The following CLSPN variants were observed in gnomAD, a reference collection of about 807,000 sequenced individuals.
CLSPN encodes the protein claspin homolog.
In CLSPN, 85 loss-of-function variants were observed where a neutral mutation model predicts 156.3. The observed-to-expected ratio is 0.54, with a 90% CI of 0.46 to 0.65. The LOEUF (loss-of-function observed/expected upper bound fraction) is 0.65, where lower values mean the gene tolerates loss of function less well. Among genes scored for constraint, CLSPN ranks in the 30% least tolerant of loss-of-function variants. The probability of loss-of-function intolerance (pLI) is 0.00; values close to 1 mark genes in which losing one functional copy is unlikely to be tolerated. For synonymous variants in CLSPN, 534 were observed against 542.4 expected, an observed-to-expected ratio of 0.98 and a Z score of 0.22; for missense variants, 1,407 against 1,554.9, an observed-to-expected ratio of 0.90 and a Z score of 1.60.
intron 1 of CLSPN, among the ~76,000 whole-genome samples, chr1:35,768,874 A>T (rs900782877): frequency 3.9e-5 from 6 of 152,182 alleles, no homozygotes; most frequent in Admixed American, 6.5e-5. Context: ...GGCCAGTAAC[A>T]GGGTGGGGTG....
In CLSPN at chr1:35,763,194, C is replaced by T. The variant is rs765983066; in HGVS notation, c.710G>A (p.Arg237Lys). Residue 237 changes from arginine (R) to lysine (K), a missense_variant, in exon 4 of 25, where the codon AGA becomes AAA. Physicochemically the swap from Arg to Lys is conservative, Grantham distance 26. This residue lies in a region of CLSPN where 1,096 missense variants were observed against 1,193.0 expected (regional missense o/e 0.92). Transcript: ENST00000318121. The stretch of plus-strand genomic sequence containing the variant: ...TTTTACTTTGTTTTTTACAGCTGCT[C>T]TTATTGATTCTAATGACTCTTCATC... ...LEDEESLESIRAAVKNKVKKH... is the reference protein window; with the variant it reads ...LEDEESLESIKAAVKNKVKKH... 2 of 1,597,886 alleles carry T rather than the reference C, an allele frequency of 1.3e-6. No individual in the cohort carries two copies. Among genetic ancestry groups the T allele is most frequent in the Admixed American group, 1.8e-5 (1 of 56,040 alleles).
chr1:35,730,066 C>T (rs1641277168), downstream of CLSPN, among the ~76,000 whole-genome samples: 1 of 152,208 alleles, frequency 6.6e-6, no homozygotes, highest in Non-Finnish European at 1.5e-5. Context: ...TCTTCCAGGC[C>T]TCCCATCACT....
rs1016283527 is a variant in CLSPN, at chr1:35,735,821, A to C, written c.*675T>G. The C allele has an allele frequency of 8.1e-6, 8 of 985,212 alleles. No individual in the cohort carries two copies. The highest frequency in any genetic ancestry group is 7.0e-5 in the African/African-American group (4 of 57,184). 61.0% of individuals were successfully genotyped at this position (985,212 alleles called of 1,614,324 possible). Reference sequence around the variant, plus strand: ...TTCACTGTTTAATCTGTAATGTCACACTTTTCCCTACTCTTCCTCTTCCAA... The same window carrying C: ...TTCACTGTTTAATCTGTAATGTCACCCTTTTCCCTACTCTTCCTCTTCCAA... On this transcript the variant is annotated 3_prime_UTR_variant, in exon 25 of 25. Coordinates refer to ENST00000318121, the MANE Select transcript of CLSPN (RefSeq NM_022111.4).
At chr1:35,724,811 T>C (rs1641143252) in intron 24 of CLSPN, among the ~76,000 whole-genome samples, 1 of 152,206 alleles carries the variant, frequency 6.6e-6, no homozygotes, top group African/African-American at 2.4e-5. Flanking sequence ...TTGGTTCATC[T>C]TGGGAAAGGA....
At chr1:35,726,018 A>G (rs1217561740) in intron 24 of CLSPN, among the ~76,000 whole-genome samples, 1 of 151,784 alleles carries the variant, frequency 6.6e-6, no homozygotes, top group Non-Finnish European at 1.5e-5. Flanking sequence ...AGTAGACTAC[A>G]TTACGGGAGG....
At chr1:35,753,101 T>C (rs1049462536) in intron 9 of CLSPN, among the ~76,000 whole-genome samples, 1 of 152,172 alleles carries the variant, frequency 6.6e-6, no homozygotes, top group Non-Finnish European at 1.5e-5. Flanking sequence ...TGTTTTGGGT[T>C]TTTTGTTTTG....
chr1:35,726,052 C>A (rs1178398869), intron 24 of CLSPN, among the ~76,000 whole-genome samples: 6 of 141,696 alleles, frequency 4.2e-5, no homozygotes, highest in Admixed American at 7.7e-5. Flanking sequence ...TAAATTCAGG[C>A]AAGCATCGTT....
At position 35,746,231 on chromosome 1, in the gene CLSPN, C is replaced by T. The variant is rs1209005696; in HGVS notation, c.2854+535G>A. 6.6e-6 allele frequency among the ~76,000 whole-genome samples: 1 copy of T among 152,198 alleles called. No individual in the cohort carries two copies. Among genetic ancestry groups the T allele is most frequent in the African/African-American group, 2.4e-5 (1 of 41,442 alleles). On this transcript the variant is annotated intron_variant, in intron 15 of 24. Coordinates refer to ENST00000318121, the MANE Select transcript of CLSPN (RefSeq NM_022111.4). This position sits in a 1 kb window ranked among gnomAD's most constrained non-coding sequence, Gnocchi z 4.2. ...AAGTGCTGGGATTACAGGCGTGAGCCACTGCGCCCGGCCTAAAGTAGTCTT... is the reference window on the plus strand; with the variant it reads ...AAGTGCTGGGATTACAGGCGTGAGCTACTGCGCCCGGCCTAAAGTAGTCTT...
chr1:35,749,091 C>T (rs934511565), intron 12 of CLSPN, among the ~76,000 whole-genome samples: 3 of 152,180 alleles, frequency 2.0e-5, no homozygotes, highest in Admixed American at 6.5e-5. Context: ...TCCCAAAGTG[C>T]TGGGATTACA....
At position 35,735,681 on chromosome 1, in the gene CLSPN, C is replaced by T. The variant is rs1241482958; in HGVS notation, c.*815G>A. ...CGAGATTGCGCCACTGCACTCCAGA[C>T]TGGGCAACAAAGTGAGACTATCTCA... On this transcript the variant is annotated 3_prime_UTR_variant, in exon 25 of 25. Transcript: ENST00000318121. The T allele has an allele frequency of 1.0e-6, 1 of 972,880 alleles. No homozygotes were observed. The highest frequency in any genetic ancestry group is 1.1e-4 in the East Asian group (1 of 8,704). The allele number at this position is 972,880 out of a possible 1,614,324, so 60.3% of individuals were successfully genotyped here.
chr1:35,762,583 T>A (rs1189346043), intron 4 of CLSPN, 102 bp from the exon 5 acceptor site: 1 of 782,832 alleles, frequency 1.3e-6, no homozygotes, highest in Non-Finnish European at 2.2e-6. Flanking sequence ...TCATGCTACA[T>A]TAATAAATCA....
intron 8 of CLSPN, among the ~76,000 whole-genome samples, chr1:35,757,570 C>A (rs950055454): frequency 1.3e-5 from 2 of 152,104 alleles, no homozygotes; most frequent in African/African-American, 4.8e-5. Context: ...CAAAATAATA[C>A]CTGGCACTGT....
Position 35,735,381 on chromosome 1 carries a change from C to G in CLSPN, c.*1115G>C, listed in dbSNP as rs1641430008. 1 of 985,316 alleles carries G rather than the reference C, an allele frequency of 1.0e-6. No homozygotes were observed. Among genetic ancestry groups the G allele is most frequent in the African/African-American group, 1.7e-5 (1 of 57,324 alleles). The allele number at this position is 985,316 out of a possible 1,614,324, so 61.0% of individuals were successfully genotyped here. On this transcript the variant is annotated 3_prime_UTR_variant, in exon 25 of 25. Coordinates refer to ENST00000318121, the MANE Select transcript of CLSPN (RefSeq NM_022111.4). ...AAAGGGGTAAGAGTAATACAGCAGC[C>G]CATCTGTTGGTTCCTAGGTCCTCCA...
chr1:35,747,962 C>G lies in CLSPN; in HGVS notation c.2572G>C (p.Asp858His). 1 of 1,614,218 alleles carries G rather than the reference C, an allele frequency of 6.2e-7. No homozygotes were observed. The highest frequency in any genetic ancestry group is 8.5e-7 in the Non-Finnish European group (1 of 1,180,034). Residue 858 changes from aspartate (D) to histidine (H), a missense_variant, in exon 14 of 25, where the codon GAC becomes CAC. This residue lies in a region of CLSPN where 1,096 missense variants were observed against 1,193.0 expected (regional missense o/e 0.92). Transcript: ENST00000318121. Reference protein sequence around the residue: ...EPKTLFLGAGDFQFCLEDDTQ... With the variant: ...EPKTLFLGAGHFQFCLEDDTQ... Reference sequence around the variant, plus strand: ...TCATCTTCTAAACAGAACTGGAAGTCTCCTGCTCCTAGGAAAAGTGTCTTA... The same window carrying G: ...TCATCTTCTAAACAGAACTGGAAGTGTCCTGCTCCTAGGAAAAGTGTCTTA...
chr1:35,743,283 G>T, intron 17 of CLSPN, 42 bp from the exon 18 acceptor site: 1 of 1,498,414 alleles, frequency 6.7e-7, no homozygotes, highest in Non-Finnish European at 9.3e-7. Flanking sequence ...AGAATAAAAT[G>T]CGTCCTCAAT....
Position 35,753,869 on chromosome 1 carries a change from C to A in CLSPN, c.1647G>T (p.Gln549His). The stretch of plus-strand genomic sequence containing the variant: ...TCACTATGACGTTCACATTCACTGT[C>A]TGACCAGCCCTGGGTTTGGCTGCTG... ...ANPAAKPRAG[Q>H]TVNVNVIVKD... The change falls in exon 9 of 25, where the codon CAG (glutamine) becomes CAT (histidine). Residue 549 changes from glutamine to histidine, a missense_variant. Gln to His is a conservative substitution (Grantham distance 24, BLOSUM62 0). Coordinates refer to ENST00000318121, the MANE Select transcript of CLSPN (RefSeq NM_022111.4). The A allele has an allele frequency of 6.2e-7, 1 of 1,614,214 alleles. No individual in the cohort carries two copies. Among genetic ancestry groups the A allele is most frequent in the Non-Finnish European group, 8.5e-7 (1 of 1,180,038 alleles).
chr1:35,763,265 G>C lies in CLSPN; in HGVS notation c.639C>G (p.Asp213Glu), dbSNP rs748636018. The C allele has an allele frequency of 6.2e-7, 1 of 1,607,386 alleles. No individual in the cohort carries two copies. The highest frequency in any genetic ancestry group is 8.5e-7 in the Non-Finnish European group (1 of 1,178,012). Reference sequence around the variant, plus strand: ...CATCCTCCAACCCAGTTTCAAAAAGGTCTTTATCCACAAGAAGACAGCCAC... The same window carrying C: ...CATCCTCCAACCCAGTTTCAAAAAGCTCTTTATCCACAAGAAGACAGCCAC... ...NDSGCLLVDK[D>E]LFETGLEDEN... The change falls in exon 4 of 25, where the codon GAC becomes GAG. Residue 213 changes from aspartate (D) to glutamate (E), a missense_variant. Around this residue, in one of 3 missense-constraint regions of CLSPN, gnomAD observed 1,096 missense variants for 1,193.0 expected, o/e 0.92. Transcript: ENST00000318121.
rs1288335243 is a variant in CLSPN at position 35,760,731 on chromosome 1, C to A, written c.1190G>T (p.Cys397Phe). The change falls in exon 8 of 25, where the codon TGC becomes TTC. Residue 397 changes from cysteine (C) to phenylalanine (F), a missense_variant. Physicochemically the swap from Cys to Phe is radical, Grantham distance 205 (BLOSUM62 -2). Around this residue, in one of 3 missense-constraint regions of CLSPN, gnomAD observed 1,096 missense variants for 1,193.0 expected, o/e 0.92. Transcript: ENST00000318121. ...TTCATTTTTTACCAAATCCTTCCTGCAAGACTCATCTGATCCAGTAATGAT... is the reference window on the plus strand; with the variant it reads ...TTCATTTTTTACCAAATCCTTCCTGAAAGACTCATCTGATCCAGTAATGAT... ...TQIITGSDES[C>F]RKDLVKNEEL... 19 of 1,614,070 alleles carry A rather than the reference C, an allele frequency of 1.2e-5. No homozygotes were observed. Among genetic ancestry groups the A allele is most frequent in the Non-Finnish European group, 1.3e-5 (15 of 1,180,044 alleles).
intron 24 of CLSPN, among the ~76,000 whole-genome samples, chr1:35,725,529 C>T (rs1641161690): frequency 6.6e-6 from 1 of 152,000 alleles, no homozygotes; most frequent in South Asian, 2.1e-4. Context: ...TCCCCCACCC[C>T]ACCCTCCGGC....
Sources: gnomAD v4.1 joint callset for allele counts (sites outside exome capture counted in the v4.1 genomes callset) on GRCh38, gnomAD v4.1.1 for gene constraint, gnomAD v4.1.1 regional missense constraint, Gnocchi (gnomAD v3.1) non-coding constraint, MANE v1.5 for transcripts, NCBI Gene and HGNC (gene_info 2026-07-23, HGNC 2026-07-21) for gene names.